Variants in NAALADL2 observed in about 807,000 individuals in gnomAD.
NAALADL2 encodes the protein N-acetylated alpha-linked acidic dipeptidase like 2.
NAALADL2 carries 76 observed loss-of-function variants against 87.2 expected under a neutral mutation model. The ratio of observed to expected loss-of-function variants is 0.87; its 90% CI spans 0.72 to 1.05. The LOEUF (loss-of-function observed/expected upper bound fraction) is 1.05, where lower values mean the gene tolerates loss of function less well. Ranked by LOEUF, NAALADL2 falls within the 50% of genes least tolerant of loss-of-function variation. NAALADL2 has a pLI of 0.00. For missense variants in NAALADL2, 1,089 were observed against 945.8 expected, an observed-to-expected ratio of 1.15 and a Z score of -1.99; for synonymous variants, 354 against 331.0, an observed-to-expected ratio of 1.07 and a Z score of -0.75.
At chr3:175,652,564 C>T (rs1246716128) in intron 11 of NAALADL2, among the ~76,000 whole-genome samples, 6 of 150,384 alleles carry the variant, frequency 4.0e-5, no homozygotes, top group Non-Finnish European at 7.4e-5. Flanking sequence ...CTGCAAGCTC[C>T]GCCTCCCGGG....
Position 175,769,696 on chromosome 3 carries a change from C to T in NAALADL2, c.2189+14278C>T, listed in dbSNP as rs183048565. Among the ~76,000 whole-genome samples, 94 of 151,396 alleles carry T rather than the reference C, an allele frequency of 6.2e-4. 1 individual carries two copies. Among genetic ancestry groups the T allele is most frequent in the Non-Finnish European group, 1.1e-3 (76 of 67,844 alleles). On this transcript the variant is annotated intron_variant, in intron 13 of 13. Transcript: ENST00000454872. The stretch of plus-strand genomic sequence containing the variant: ...TTTCCAGAGAAACAGAACAATAGGA[C>T]AATAGGAGATGGCATGTATATGTGT...
At chr3:175,528,658 T>C (rs1308484813) in intron 9 of NAALADL2, among the ~76,000 whole-genome samples, 1 of 152,196 alleles carries the variant, frequency 6.6e-6, no homozygotes, top group Non-Finnish European at 1.5e-5. Context: ...AATAAGGTTA[T>C]AATTATGCCT....
At chr3:175,531,495 G>A (rs911114728) in intron 9 of NAALADL2, among the ~76,000 whole-genome samples, 46 of 152,212 alleles carry the variant, frequency 3.0e-4, no homozygotes, top group African/African-American at 1.1e-3. Context: ...CAATCAGCAT[G>A]TCATCAGTGT....
chr3:175,430,063 C>A (rs1218727336), intron 5 of NAALADL2, among the ~76,000 whole-genome samples: 1 of 151,782 alleles, frequency 6.6e-6, no homozygotes, highest in Non-Finnish European at 1.5e-5. Context: ...ATAAGAACAG[C>A]TTTATGTATT....
intron 4 of NAALADL2, among the ~76,000 whole-genome samples, chr3:175,279,787 AGTGTGTGT>A (rs34107349): frequency 0.015 from 1,866 of 125,616 alleles, 27 homozygotes; most frequent in South Asian, 0.048. Context: ...ATAGTGTGTG[AGTGTGTGT>A]GTGTGTGTGT....
Position 174,663,743 on chromosome 3 carries a change from T to C in NAALADL2, c.-114-73898T>C, listed in dbSNP as rs141444080. 5.9e-5 allele frequency among the ~76,000 whole-genome samples: 9 copies of C among 152,156 alleles called. 1 individual carries two copies. The East Asian group carries it at 1.5e-3, about 26-fold the overall frequency. ...GTAGGGGACAAATATCCAAACTATG[T>C]CAGTAATGGAGACTTTCATTTACTA... On this transcript the variant is annotated intron_variant, in intron 2 of 3. Coordinates refer to the NAALADL2 transcript ENST00000434257.
chr3:175,342,080 G>GT lies in NAALADL2; in HGVS notation c.1090+17756dup, dbSNP rs1160626142. On this transcript the variant is annotated intron_variant, in intron 5 of 13. Coordinates refer to ENST00000454872, the MANE Select transcript of NAALADL2 (RefSeq NM_207015.3). ...CTGTCTAGGTTACTATAATTTTGTA[G>GT]TAAGTTTTAAAATTGCTAAGAATGA... Among the ~76,000 whole-genome samples, 6 of 152,108 alleles carry GT rather than the reference G, an allele frequency of 3.9e-5. No homozygotes were observed. The South Asian group carries it at 1.2e-3, about 31-fold the overall frequency.
rs192056825 is a variant in NAALADL2 at position 174,832,481 on chromosome 3, A to C, written c.-9+94735A>C. 4.8e-3 allele frequency among the ~76,000 whole-genome samples: 723 copies of C among 151,932 alleles called. 4 individuals carry two copies. The highest frequency in any genetic ancestry group is 6.9e-3 in the Non-Finnish European group (470 of 67,964). On this transcript the variant is annotated intron_variant, in intron 3 of 3. Coordinates refer to the NAALADL2 transcript ENST00000434257. ...GCCCTGTGGTGTTGTTGTTTTTTTG[A>C]GATGGAGTCTGGCTCTGTCATCCAG...
intron 9 of NAALADL2, among the ~76,000 whole-genome samples, chr3:175,485,800 C>G (rs1402742825): frequency 6.6e-6 from 1 of 152,164 alleles, no homozygotes; most frequent in African/African-American, 2.4e-5. Context: ...CTCACAGACA[C>G]ACCCAGAAAC....
At chr3:175,549,305 A>G (rs77948888) in intron 9 of NAALADL2, among the ~76,000 whole-genome samples, 10,380 of 151,990 alleles carry the variant, frequency 0.068, 849 homozygotes, top group African/African-American at 0.2. Context: ...TTAGACATCT[A>G]ACTGTCATGT....
chr3:175,579,920 T>G lies in NAALADL2; in HGVS notation c.1800+3733T>G, dbSNP rs530038090. Among the ~76,000 whole-genome samples the G allele has an allele frequency of 5.6e-4, 85 of 152,304 alleles. 2 individuals are homozygous for G. The highest frequency in any genetic ancestry group is 6.8e-3 in the Middle Eastern group (2 of 294). The stretch of plus-strand genomic sequence containing the variant: ...TCAATCCATGCCCTAGCAAGCTTCA[T>G]ATCATAAATTGAAGCTCTGATTCCT... On this transcript the variant is annotated intron_variant, in intron 10 of 13. Transcript: ENST00000454872.
intron 3 of NAALADL2, among the ~76,000 whole-genome samples, chr3:175,255,185 A>G (rs1228828301): frequency 2.6e-5 from 4 of 152,232 alleles, no homozygotes; most frequent in African/African-American, 9.6e-5. Context: ...GACATTTGAA[A>G]TGAACGTTAA....
chr3:175,653,433 T>G (rs1731054032), intron 11 of NAALADL2, among the ~76,000 whole-genome samples: 2 of 152,214 alleles, frequency 1.3e-5, no homozygotes, highest in Non-Finnish European at 2.9e-5. Flanking sequence ...GCTTCTTCTA[T>G]ATCTTCTTCC....
At position 175,576,196 on chromosome 3, in the gene NAALADL2, TC is replaced by T. The variant is rs1400934823; in HGVS notation, c.1800+11del. On this transcript the variant is annotated intron_variant, in intron 10 of 13. Transcript: ENST00000454872. Reference sequence around the variant, plus strand: ...ACATCAAAACATTAGAGGTGATTGTTCCTAAAAAATGCAAAACACACACACA... The same window carrying T: ...ACATCAAAACATTAGAGGTGATTGTTCTAAAAAATGCAAAACACACACACA... The T allele has an allele frequency of 6.2e-7, 1 of 1,608,668 alleles. No individual in the cohort carries two copies. The highest frequency in any genetic ancestry group is 8.5e-7 in the Non-Finnish European group (1 of 1,178,044).
chr3:174,608,239 A>C (rs1719351979), intron 2 of NAALADL2, among the ~76,000 whole-genome samples: 1 of 152,114 alleles, frequency 6.6e-6, no homozygotes. Context: ...TGACACCCTA[A>C]CATCACAATT....
intron 13 of NAALADL2, among the ~76,000 whole-genome samples, chr3:175,786,069 C>T (rs534614400): frequency 0.022 from 3,377 of 152,222 alleles, 59 homozygotes; most frequent in African/African-American, 0.033. Context: ...CCGAGAGATC[C>T]GCTGTTAGTC....
intron 13 of NAALADL2, among the ~76,000 whole-genome samples, chr3:175,787,059 G>A (rs965506912): frequency 6.6e-6 from 1 of 151,970 alleles, no homozygotes; most frequent in Non-Finnish European, 1.5e-5. Flanking sequence ...TGAGGAGGCA[G>A]TCTGCCTGTT....
chr3:174,933,286 A>G (rs894782816), intron 1 of NAALADL2, among the ~76,000 whole-genome samples: 3 of 152,184 alleles, frequency 2.0e-5, no homozygotes, highest in African/African-American at 7.2e-5. Context: ...TTTTCCTACC[A>G]CAGTGTAGAC....
intron 9 of NAALADL2, among the ~76,000 whole-genome samples, chr3:175,488,586 C>T (rs1020431663): frequency 1.1e-4 from 16 of 152,042 alleles, no homozygotes; most frequent in African/African-American, 2.9e-4. Context: ...AAAGTGTTTT[C>T]CCCCCTCACA....
Sources: allele counts gnomAD v4.1 joint callset (sites outside exome capture counted in the v4.1 genomes callset), GRCh38; gene constraint gnomAD v4.1.1; transcripts MANE v1.5; gene names NCBI Gene and HGNC (gene_info 2026-07-23, HGNC 2026-07-21).